HYAL4: variants seen among roughly 807,000 people sequenced by gnomAD.
The protein encoded by HYAL4 is hyaluronidase 4, also known as hyaluronidase-4.
A neutral mutation model predicts 35.2 loss-of-function variants in HYAL4; 37 were observed. That is an observed-to-expected ratio of 1.05 (90% CI 0.81 to 1.38). The LOEUF is 1.38. Ranked by LOEUF, HYAL4 falls within the 40% of genes most tolerant of loss-of-function variation. The probability of loss-of-function intolerance (pLI) is 0.00; values close to 1 mark genes in which losing one functional copy is unlikely to be tolerated. For synonymous variants in HYAL4, 198 were observed against 203.2 expected, an observed-to-expected ratio of 0.97 and a Z score of 0.22; for missense variants, 572 against 572.4, an observed-to-expected ratio of 1.00 and a Z score of 0.01.
intron 1 of HYAL4, among the ~76,000 whole-genome samples, chr7:123,830,346 C>T (rs1019650231): frequency 1.3e-5 from 2 of 152,142 alleles, no homozygotes; most frequent in South Asian, 2.1e-4. Context: ...GTAACAGGTA[C>T]ACCTGTAAGC....
chr7:123,800,800 G>C, the HYAL4 span, among the ~76,000 whole-genome samples: 1 of 151,736 alleles, frequency 6.6e-6, no homozygotes, highest in Non-Finnish European at 1.5e-5. Flanking sequence ...GGGATTACAG[G>C]CACGCGTCAC....
the HYAL4 span, among the ~76,000 whole-genome samples, chr7:123,805,560 A>G: frequency 3.9e-5 from 6 of 152,198 alleles, no homozygotes; most frequent in African/African-American, 1.2e-4. Context: ...AATTTAAGTT[A>G]TATTATCAGT....
chr7:123,824,747 C>T (rs1368483145), upstream of HYAL4, among the ~76,000 whole-genome samples: 1 of 152,096 alleles, frequency 6.6e-6, no homozygotes, highest in Admixed American at 6.6e-5. Context: ...GTAAAATCCA[C>T]TTGGATCATG....
At position 123,836,273 on chromosome 7, in the gene HYAL4, A is replaced by G. The variant is rs377194799; in HGVS notation, c.-257+7149A>G. 7.7e-4 allele frequency among the ~76,000 whole-genome samples: 118 copies of G among 152,270 alleles called. 2 individuals are homozygous for G. The highest frequency in any genetic ancestry group is 2.7e-3 in the African/African-American group (113 of 41,544). On this transcript the variant is annotated intron_variant, in intron 1 of 4. Transcript: ENST00000489978. ...ATTTGGGAGCTCCAGTGTTAGGTGC[A>G]TATATATTCAGGATTGTGATATTTT...
the HYAL4 span, among the ~76,000 whole-genome samples, chr7:123,817,936 G>A: frequency 6.6e-6 from 1 of 152,000 alleles, no homozygotes; most frequent in African/African-American, 2.4e-5. Flanking sequence ...GGAGTTTAGT[G>A]ACAGGATCTC....
the HYAL4 span, among the ~76,000 whole-genome samples, chr7:123,809,393 CTTTTTTTTTTT>C: frequency 2.3e-5 from 3 of 129,576 alleles, no homozygotes; most frequent in East Asian, 2.2e-4. Flanking sequence ...TTTTCTTCTT[CTTTTTTTTTTT>C]TTTTTTTTTG....
At chr7:123,817,810 T>A in the HYAL4 span, among the ~76,000 whole-genome samples, 1 of 148,872 alleles carries the variant, frequency 6.7e-6, no homozygotes, top group African/African-American at 2.5e-5. Flanking sequence ...ATTCTTTATA[T>A]GCAAAAAGAA....
the HYAL4 span, among the ~76,000 whole-genome samples, chr7:123,804,835 AG>A: frequency 2.0e-5 from 3 of 152,250 alleles, no homozygotes; most frequent in African/African-American, 7.2e-5. Context: ...GTTATTTCAC[AG>A]GAAGTCCTTC....
the HYAL4 span, among the ~76,000 whole-genome samples, chr7:123,803,825 A>G: frequency 1.3e-5 from 2 of 152,080 alleles, no homozygotes; most frequent in African/African-American, 2.4e-5. Context: ...TCCTCTTGCC[A>G]TTTCCTCCAT....
chr7:123,830,719 A>C (rs1462887125), intron 1 of HYAL4, among the ~76,000 whole-genome samples: 3 of 152,102 alleles, frequency 2.0e-5, no homozygotes, highest in African/African-American at 7.2e-5. Context: ...TGTCATGGCT[A>C]TTTTTATATT....
At chr7:123,839,094 A>C (rs1322852266) in intron 1 of HYAL4, among the ~76,000 whole-genome samples, 1 of 152,018 alleles carries the variant, frequency 6.6e-6, no homozygotes, top group East Asian at 1.9e-4. Context: ...CCATCAACTT[A>C]TCATTTACAT....
intron 1 of HYAL4, among the ~76,000 whole-genome samples, chr7:123,839,903 A>G (rs564374332): frequency 4.6e-5 from 7 of 152,038 alleles, no homozygotes; most frequent in African/African-American, 9.6e-5. Context: ...TGTCAGATGG[A>G]TAGATTGCAA....
chr7:123,852,915 A>G (rs1433936315), intron 2 of HYAL4, among the ~76,000 whole-genome samples: 3 of 151,958 alleles, frequency 2.0e-5, no homozygotes, highest in Non-Finnish European at 4.4e-5. Flanking sequence ...TATTTCCTTG[A>G]CAGTGGTTTG....
chr7:123,861,708 A>G (rs1203049267), intron 2 of HYAL4, among the ~76,000 whole-genome samples: 1 of 152,216 alleles, frequency 6.6e-6, no homozygotes. Flanking sequence ...TCACATATTT[A>G]CAAAACTTAA....
the HYAL4 span, among the ~76,000 whole-genome samples, chr7:123,766,626 TTTTA>T: frequency 1.3e-5 from 2 of 152,268 alleles, no homozygotes; most frequent in East Asian, 3.9e-4. Context: ...ATATTGATGG[TTTTA>T]TTTGATTATA....
upstream of HYAL4, among the ~76,000 whole-genome samples, chr7:123,825,512 T>C (rs1805792671): frequency 6.6e-6 from 1 of 152,058 alleles, no homozygotes; most frequent in African/African-American, 2.4e-5. Context: ...ATCTGGCTTT[T>C]CCCAAAGAGA....
chr7:123,876,405 A>G (rs1807024736), intron 4 of HYAL4, among the ~76,000 whole-genome samples: 1 of 152,200 alleles, frequency 6.6e-6, no homozygotes, highest in Non-Finnish European at 1.5e-5. Flanking sequence ...TATACCCATT[A>G]ACTTGGGAGC....
At chr7:123,830,065 G>T (rs142855735) in intron 1 of HYAL4, among the ~76,000 whole-genome samples, 3 of 152,266 alleles carry the variant, frequency 2.0e-5, no homozygotes, top group Admixed American at 1.3e-4. Flanking sequence ...GAAGCAAATC[G>T]CTGTTTGCAC....
At chr7:123,783,888 G>T in the HYAL4 span, among the ~76,000 whole-genome samples, 3 of 152,150 alleles carry the variant, frequency 2.0e-5, no homozygotes, top group African/African-American at 7.2e-5. Context: ...GTCTACCAAA[G>T]AAATAAAAGT....
Sources: gnomAD v4.1 joint callset for allele counts (sites outside exome capture counted in the v4.1 genomes callset) on GRCh38, gnomAD v4.1.1 for gene constraint, MANE v1.5 for transcripts, NCBI Gene and HGNC (gene_info 2026-07-23, HGNC 2026-07-21) for gene names.